SUV39H2: variants seen among roughly 807,000 people sequenced by gnomAD.
SUV39H2 encodes the protein SUV39H2 histone lysine methyltransferase.
Under a neutral mutation model 47.5 loss-of-function variants are expected in SUV39H2, and 10 were observed. The ratio of observed to expected loss-of-function variants is 0.21; its 90% CI spans 0.13 to 0.36. The LOEUF (loss-of-function observed/expected upper bound fraction) is 0.36, where lower values mean the gene tolerates loss of function less well. Among genes scored for constraint, SUV39H2 ranks in the 10% least tolerant of loss-of-function variants. The pLI is 1.00. For missense variants in SUV39H2, 266 were observed against 487.4 expected (o/e 0.55, Z 4.28); for synonymous variants, 159 against 166.8 (o/e 0.95, Z 0.36).
At chr10:14,892,726 C>T (rs1391221871) in intron 2 of SUV39H2, among the ~76,000 whole-genome samples, 1 of 152,096 alleles carries the variant, frequency 6.6e-6, no homozygotes, top group African/African-American at 2.4e-5. Flanking sequence ...TTCCCTATAC[C>T]CCCTAGTGAC....
chr10:14,899,955 G>T (rs1833882647), intron 4 of SUV39H2, among the ~76,000 whole-genome samples: 1 of 152,024 alleles, frequency 6.6e-6, no homozygotes, highest in Non-Finnish European at 1.5e-5. Flanking sequence ...AACTTTGTAC[G>T]GTAGGTATTA....
At chr10:14,886,596 T>A (rs1833216806) in intron 2 of SUV39H2, among the ~76,000 whole-genome samples, 1 of 152,248 alleles carries the variant, frequency 6.6e-6, no homozygotes, top group Admixed American at 6.5e-5. Context: ...CCTTCCTGGC[T>A]TCATGCTTAG....
chr10:14,888,609 C>G (rs982647665), intron 2 of SUV39H2, among the ~76,000 whole-genome samples: 7 of 151,470 alleles, frequency 4.6e-5, no homozygotes, highest in Admixed American at 6.6e-5. Flanking sequence ...GCACTCCAAC[C>G]TGGTGACAGA....
intron 2 of SUV39H2, among the ~76,000 whole-genome samples, chr10:14,882,855 C>A (rs1376773383): frequency 6.6e-6 from 1 of 151,764 alleles, no homozygotes; most frequent in Admixed American, 6.6e-5. Flanking sequence ...CTATCTACCC[C>A]CTATAGGAGT....
intron 2 of SUV39H2, among the ~76,000 whole-genome samples, chr10:14,892,697 C>T (rs938971284): frequency 6.6e-6 from 1 of 152,138 alleles, no homozygotes; most frequent in Non-Finnish European, 1.5e-5. Context: ...GATTTTACTC[C>T]TAAAGGCTAG....
chr10:14,899,536 T>A lies in SUV39H2; in HGVS notation c.850-3T>A. ...TAATATACTTACAGTTTTTTCTGTTTAGGTAATCACAAGTGAAGAAGCTGA... is the reference window on the plus strand; with the variant it reads ...TAATATACTTACAGTTTTTTCTGTTAAGGTAATCACAAGTGAAGAAGCTGA... On this transcript the variant is annotated splice_region_variant and splice_polypyrimidine_tract_variant and intron_variant, in intron 3 of 5. Transcript: ENST00000354919. 2 of 1,613,606 alleles carry A rather than the reference T, an allele frequency of 1.2e-6. No individual in the cohort carries two copies. The highest frequency in any genetic ancestry group is 4.5e-5 in the East Asian group (2 of 44,868).
Position 14,878,899 on chromosome 10 carries a change from T to G in SUV39H2, c.11T>G (p.Val4Gly). ...TGAAAGCTCTACAAGATGGCGGCGGTCGGGGCCGAGGCGCGAGGAGGTGAG... is the reference window on the plus strand; with the variant it reads ...TGAAAGCTCTACAAGATGGCGGCGGGCGGGGCCGAGGCGCGAGGAGGTGAG... MAA[V>G]GAEARGAWCV... Residue 4 changes from valine (V) to glycine (G), a missense_variant, in exon 1 of 6, where the codon GTC becomes GGC. By Grantham distance (109) the Val-to-Gly change is moderately radical (BLOSUM62 -3). This residue lies in a region of SUV39H2 where 31 missense variants were observed against 27.5 expected (regional missense o/e 1.13). Coordinates refer to ENST00000354919, the MANE Select transcript of SUV39H2 (RefSeq NM_001193424.2). 6.7e-7 allele frequency: 1 copy of G among 1,483,616 alleles called. No homozygotes were observed. The highest frequency in any genetic ancestry group is 9.0e-7 in the Non-Finnish European group (1 of 1,115,554). The allele number at this position is 1,483,616 out of a possible 1,614,324, so 91.9% of individuals were successfully genotyped here.
chr10:14,895,766 T>C (rs1180716989), intron 2 of SUV39H2, among the ~76,000 whole-genome samples: 2 of 152,224 alleles, frequency 1.3e-5, no homozygotes. Flanking sequence ...ACTAACCACA[T>C]TGAACAAAGT....
intron 2 of SUV39H2, among the ~76,000 whole-genome samples, chr10:14,894,057 G>A (rs1833480982): frequency 6.6e-6 from 1 of 152,186 alleles, no homozygotes; most frequent in Non-Finnish European, 1.5e-5. Context: ...TTAGAATTAA[G>A]GGGAGTAGAA....
At chr10:14,880,114 CTTAGGGGGTCATTTCTTTCCCA>C (rs1244933125) in intron 1 of SUV39H2, 1 of 152,052 alleles carries the variant, frequency 6.6e-6, no homozygotes, top group Non-Finnish European at 1.5e-5. Flanking sequence ...ATGGAAGGGA[CTTAGGGGGTCATTTCTTTCCCA>C]TCACTGTCCT....
At chr10:14,895,180 AT>A (rs61175237) in intron 2 of SUV39H2, among the ~76,000 whole-genome samples, 52,794 of 139,426 alleles carry the variant, frequency 0.38, 10,892 homozygotes, top group African/African-American at 0.62. Context: ...TTTTACTTTT[AT>A]TTTTTTTTTT....
chr10:14,892,531 A>G (rs1228864861), intron 2 of SUV39H2, among the ~76,000 whole-genome samples: 1 of 152,046 alleles, frequency 6.6e-6, no homozygotes, highest in Non-Finnish European at 1.5e-5. Context: ...CATGTTCCCT[A>G]CTCAATCACT....
chr10:14,903,799 C>G lies in SUV39H2; in HGVS notation c.*1287C>G, dbSNP rs1051369629. 7.2e-5 allele frequency: 11 copies of G among 152,088 alleles called. No homozygotes were observed. The highest frequency in any genetic ancestry group is 6.5e-4 in the Admixed American group (10 of 15,274). 9.4% of individuals were successfully genotyped at this position (152,088 alleles called of 1,614,324 possible). A position where few individuals can be genotyped will look rare whatever the true frequency, so the allele number is the denominator to read the frequency against. On this transcript the variant is annotated 3_prime_UTR_variant, in exon 6 of 6. Transcript: ENST00000354919. The stretch of plus-strand genomic sequence containing the variant: ...AGCTTTCAGTATTCCTAATTTTTAC[C>G]TAAGCTCATTGCTCCAGGCTTTGAT...
chr10:14,888,600 C>T (rs1564336955), intron 2 of SUV39H2, among the ~76,000 whole-genome samples: 2 of 151,454 alleles, frequency 1.3e-5, no homozygotes, highest in East Asian at 3.9e-4. Flanking sequence ...TGCACTACTG[C>T]ACTCCAACCT....
intron 4 of SUV39H2, among the ~76,000 whole-genome samples, chr10:14,900,048 C>T (rs17156057): frequency 0.012 from 1,868 of 152,196 alleles, 35 homozygotes; most frequent in African/African-American, 0.041. Flanking sequence ...GAAGTTAACA[C>T]GACTACATTT....
chr10:14,883,459 C>T (rs569366999), intron 2 of SUV39H2, among the ~76,000 whole-genome samples: 8 of 151,822 alleles, frequency 5.3e-5, no homozygotes, highest in African/African-American at 9.7e-5. Context: ...AATCCTAGCA[C>T]TTTGGGGGGC....
intron 2 of SUV39H2, among the ~76,000 whole-genome samples, chr10:14,886,320 A>C (rs1193736680): frequency 1.3e-5 from 2 of 152,180 alleles, no homozygotes; most frequent in African/African-American, 4.8e-5. Flanking sequence ...TTGTAGAACC[A>C]CCTGCCCTTC....
intron 2 of SUV39H2, among the ~76,000 whole-genome samples, chr10:14,884,875 T>C (rs1833155811): frequency 6.6e-6 from 1 of 152,240 alleles, no homozygotes; most frequent in African/African-American, 2.4e-5. Context: ...AGGATCATTA[T>C]TGTACTATTC....
chr10:14,896,569 C>T (rs1833624480), intron 2 of SUV39H2, among the ~76,000 whole-genome samples: 1 of 152,222 alleles, frequency 6.6e-6, no homozygotes, highest in South Asian at 2.1e-4. Flanking sequence ...ACATAGTCAT[C>T]AGTTTCAGTA....
Sources: gnomAD v4.1 joint callset for allele counts (sites outside exome capture counted in the v4.1 genomes callset) on GRCh38, gnomAD v4.1.1 for gene constraint, gnomAD v4.1.1 regional missense constraint, MANE v1.5 for transcripts, NCBI Gene and HGNC (gene_info 2026-07-23, HGNC 2026-07-21) for gene names.